PMM2: variants seen among roughly 807,000 people sequenced by gnomAD.
PMM2 encodes the protein mannose-6-phosphate isomerase.
PMM2 carries 35 observed loss-of-function variants against 33.2 expected under a neutral mutation model. The observed-to-expected ratio is 1.06, with a 90% CI of 0.81 to 1.40. PMM2 has a LOEUF of 1.40. PMM2 is among the 40% of genes most tolerant of loss of function. The pLI is 0.00. For synonymous variants in PMM2, 153 were observed against 114.7 expected (o/e 1.33, Z -2.13); for missense variants, 386 against 306.0 (o/e 1.26, Z -1.95).
At chr16:8,843,421 C>T (rs1022662920) in intron 7 of PMM2, among the ~76,000 whole-genome samples, 6 of 152,148 alleles carry the variant, frequency 3.9e-5, no homozygotes, top group Non-Finnish European at 1.5e-5. Context: ...CTGGGAGTGG[C>T]TGCCAGGTGA....
chr16:8,844,481 T>TCAA (rs2060911390), intron 7 of PMM2, among the ~76,000 whole-genome samples: 1 of 151,000 alleles, frequency 6.6e-6, no homozygotes. Flanking sequence ...GGAGAAGGGG[T>TCAA]TGGGGGGTTC....
intron 7 of PMM2, chr16:8,842,403 A>G (rs2060896418): frequency 6.6e-6 from 1 of 152,208 alleles, no homozygotes; most frequent in Non-Finnish European, 1.5e-5. Context: ...GGGTGGAAAG[A>G]AAGTAGATCA....
chr16:8,823,316 T>A (rs953300514), intron 7 of PMM2, among the ~76,000 whole-genome samples: 2 of 151,990 alleles, frequency 1.3e-5, no homozygotes, highest in South Asian at 2.1e-4. Context: ...GAAAAAAAAA[T>A]TGAAAGCATT....
chr16:8,836,738 G>A (rs1236162583), intron 7 of PMM2, among the ~76,000 whole-genome samples: 2 of 151,974 alleles, frequency 1.3e-5, no homozygotes, highest in Non-Finnish European at 2.9e-5. Flanking sequence ...AGAATAAGAC[G>A]GCCTTTTGAC....
chr16:8,812,930 T>C lies in PMM2; in HGVS notation c.524-61T>C, dbSNP rs933223993. 3.2e-6 allele frequency: 3 copies of C among 928,760 alleles called. No individual in the cohort carries two copies. In the African/African-American group the frequency reaches 4.8e-5, roughly 15 times the overall value. The allele number at this position is 928,760 out of a possible 1,614,324, so 57.5% of individuals were successfully genotyped here. On this transcript the variant is annotated intron_variant, in intron 6 of 7. Coordinates refer to ENST00000268261, the MANE Select transcript of PMM2 (RefSeq NM_000303.3). ...CAAAAGAGTAAATTGTTTTTTTCAG[T>C]GACATATCATTAGCCCCTTTTTCAC... is the stretch of plus-strand genomic sequence containing the variant.
At position 8,810,943 on chromosome 16, in the gene PMM2, C is replaced by G. The variant is rs1567159888; in HGVS notation, c.348-136C>G. ...ACAGTAGTTCATGGCTACCATATTA[C>G]ATAGCACAGAGCTGAGAAACATTGA... On this transcript the variant is annotated intron_variant, in intron 4 of 7. Coordinates refer to ENST00000268261, the MANE Select transcript of PMM2 (RefSeq NM_000303.3). The G allele has an allele frequency of 1.4e-5, 10 of 700,792 alleles. No individual in the cohort carries two copies. The East Asian group carries it at 1.6e-4, about 11-fold the overall frequency. 43.4% of individuals were successfully genotyped at this position (700,792 alleles called of 1,614,324 possible).
chr16:8,841,269 T>G (rs1214248920), intron 7 of PMM2, among the ~76,000 whole-genome samples: 1 of 151,002 alleles, frequency 6.6e-6, no homozygotes, highest in Non-Finnish European at 1.5e-5. Flanking sequence ...TCAGACTGTA[T>G]AGAGGTGGGA....
intron 3 of PMM2, among the ~76,000 whole-genome samples, chr16:8,806,031 A>G (rs2060645937): frequency 6.6e-6 from 1 of 152,258 alleles, no homozygotes; most frequent in Admixed American, 6.5e-5. Context: ...AAGTGGCAGC[A>G]GTAAGCTCTT....
intron 7 of PMM2, among the ~76,000 whole-genome samples, chr16:8,827,949 A>ATG (rs2060787091): frequency 8.6e-6 from 1 of 116,922 alleles, no homozygotes; most frequent in East Asian, 2.2e-4. Flanking sequence ...TTATAAATAT[A>ATG]TATATTTATA....
At chr16:8,843,858 G>A (rs12596623) in intron 7 of PMM2, among the ~76,000 whole-genome samples, 22,609 of 151,862 alleles carry the variant, frequency 0.15, 1,731 homozygotes, top group East Asian at 0.24. Context: ...AACCTAGCTC[G>A]GCCTGGCGAG....
intron 7 of PMM2, among the ~76,000 whole-genome samples, chr16:8,834,231 T>TAC (rs2060829286): frequency 6.6e-6 from 1 of 152,170 alleles, no homozygotes; most frequent in Non-Finnish European, 1.5e-5. Flanking sequence ...GTGAGGTGTG[T>TAC]TTTTAAAAGA....
intron 7 of PMM2, among the ~76,000 whole-genome samples, chr16:8,816,701 A>T (rs906847693): frequency 2.0e-5 from 3 of 152,100 alleles, no homozygotes; most frequent in Non-Finnish European, 2.9e-5. Flanking sequence ...AGATTGTGCC[A>T]TTGTACTCCA....
At chr16:8,821,992 C>T (rs2060741886) in intron 7 of PMM2, among the ~76,000 whole-genome samples, 1 of 152,082 alleles carries the variant, frequency 6.6e-6, no homozygotes, top group Admixed American at 6.5e-5. Context: ...AGACAAGAGC[C>T]GATTTATCAA....
At chr16:8,843,493 T>C (rs1306571648) in intron 7 of PMM2, among the ~76,000 whole-genome samples, 2 of 138,376 alleles carry the variant, frequency 1.4e-5, no homozygotes, top group East Asian at 2.1e-4. Context: ...GGAGGAATCC[T>C]GGGCTGCAGG....
rs150577656 is a variant in PMM2 at position 8,811,648 on chromosome 16, T to A, written c.458T>A (p.Ile153Lys). The change falls in exon 6 of 8, where the codon ATA (isoleucine) becomes AAA (lysine). Residue 153 changes from isoleucine (I) to lysine (K), a missense_variant. Coordinates refer to ENST00000268261, the MANE Select transcript of PMM2 (RefSeq NM_000303.3). ...TTTTGTTTTTCTCAGAAAGAAAATA[T>A]AAGACAAAAGTTTGTAGCAGATCTA... Reference protein sequence around the residue: ...EFYELDKKENIRQKFVADLRK... With the variant: ...EFYELDKKENKRQKFVADLRK... The A allele has an allele frequency of 6.2e-7, 1 of 1,611,344 alleles. No individual in the cohort carries two copies. Among genetic ancestry groups the A allele is most frequent in the Non-Finnish European group, 8.5e-7 (1 of 1,177,480 alleles).
rs749367683 is a variant in PMM2, at chr16:8,848,123, G to A, written c.*298G>A. Reference sequence around the variant, plus strand: ...ATACGTGCAATCATGTAGTTTTGGCGGAAATTTCCCCATCATTCTAGGATG... The same window carrying A: ...ATACGTGCAATCATGTAGTTTTGGCAGAAATTTCCCCATCATTCTAGGATG... On this transcript the variant is annotated 3_prime_UTR_variant, in exon 8 of 8. Transcript: ENST00000268261. 5.1e-6 allele frequency: 2 copies of A among 388,950 alleles called. No individual in the cohort carries two copies. The highest frequency in any genetic ancestry group is 5.5e-5 in the East Asian group (1 of 18,256). 24.1% of individuals were successfully genotyped at this position (388,950 alleles called of 1,614,324 possible).
intron 1 of PMM2, 48 bp from the exon 2 acceptor site, chr16:8,801,751 G>C (rs752917270): frequency 2.5e-6 from 3 of 1,179,336 alleles, no homozygotes; most frequent in Admixed American, 1.8e-5. Flanking sequence ...TTGGTCTCCT[G>C]ATTATTGTGT....
chr16:8,823,984 A>G (rs2060752117), intron 7 of PMM2, among the ~76,000 whole-genome samples: 3 of 152,250 alleles, frequency 2.0e-5, no homozygotes. Flanking sequence ...CTATTACAAA[A>G]GAAAACAGAT....
chr16:8,827,779 TA>T (rs2060780770), intron 7 of PMM2, among the ~76,000 whole-genome samples: 3 of 70,344 alleles, frequency 4.3e-5, no homozygotes, highest in Non-Finnish European at 5.6e-5. Context: ...TTTATATATA[TA>T]TATTTATATA....
Sources: allele counts gnomAD v4.1 joint callset (sites outside exome capture counted in the v4.1 genomes callset), GRCh38; gene constraint gnomAD v4.1.1; transcripts MANE v1.5; gene names NCBI Gene and HGNC (gene_info 2026-07-23, HGNC 2026-07-21).